The following DHX8 variants were observed in gnomAD, a reference collection of about 807,000 sequenced individuals.
DHX8 encodes ATP-dependent RNA helicase DHX8.
A neutral mutation model predicts 140.7 loss-of-function variants in DHX8; 67 were observed. The observed-to-expected ratio is 0.48, with a 90% CI of 0.39 to 0.58. DHX8 has a LOEUF of 0.58. Ranked by LOEUF, DHX8 falls within the 20% of genes least tolerant of loss-of-function variation. The probability of loss-of-function intolerance (pLI) is 0.00; values close to 1 mark genes in which losing one functional copy is unlikely to be tolerated. For synonymous variants in DHX8, 533 were observed against 553.2 expected, an observed-to-expected ratio of 0.96 and a Z score of 0.51; for missense variants, 887 against 1,550.7, an observed-to-expected ratio of 0.57 and a Z score of 7.19.
At chr17:43,542,683 C>T (rs1313120415) in intron 3 of DHX8, among the ~76,000 whole-genome samples, 2 of 152,154 alleles carry the variant, frequency 1.3e-5, no homozygotes, top group South Asian at 2.1e-4. Flanking sequence ...CACCCTTCAA[C>T]GCCCGGACGC....
intron 1 of DHX8, among the ~76,000 whole-genome samples, chr17:43,484,401 C>T (rs941535256): frequency 1.3e-5 from 2 of 152,148 alleles, no homozygotes; most frequent in African/African-American, 4.8e-5. Flanking sequence ...GTCAGTGAAG[C>T]CCGGGGCGGT....
In DHX8 at chr17:43,525,593, C is replaced by A. The variant is rs1970586125; in HGVS notation, c.*1746C>A. 1.0e-6 allele frequency: 1 copy of A among 985,370 alleles called. No homozygotes were observed. Among genetic ancestry groups the A allele is most frequent in the Admixed American group, 6.1e-5 (1 of 16,262 alleles). The allele number at this position is 985,370 out of a possible 1,614,324, so 61.0% of individuals were successfully genotyped here. A position where few individuals can be genotyped will look rare whatever the true frequency, so the allele number is the denominator to read the frequency against. Reference sequence around the variant, plus strand: ...ACAGTACAGGGACCTCAAATGAAACCAAAGGGGAAACGGGGACTGGGCACC... The same window carrying A: ...ACAGTACAGGGACCTCAAATGAAACAAAAGGGGAAACGGGGACTGGGCACC... On this transcript the variant is annotated 3_prime_UTR_variant, in exon 23 of 23. Transcript: ENST00000262415.
chr17:43,496,673 G>A (rs1377580830), intron 9 of DHX8, among the ~76,000 whole-genome samples: 4 of 151,964 alleles, frequency 2.6e-5, no homozygotes, highest in Non-Finnish European at 4.4e-5. Context: ...CCAGCTACTC[G>A]GGAGTCTGAG....
intron 12 of DHX8, among the ~76,000 whole-genome samples, chr17:43,505,341 G>A (rs779722361): frequency 1.2e-4 from 18 of 152,050 alleles, no homozygotes; most frequent in Non-Finnish European, 1.8e-4. Flanking sequence ...TCAGGGAGTC[G>A]GAGGTTGCAG....
intron 1 of DHX8, among the ~76,000 whole-genome samples, chr17:43,486,788 G>A (rs1968180867): frequency 6.7e-6 from 1 of 149,728 alleles, no homozygotes; most frequent in Non-Finnish European, 1.5e-5. Flanking sequence ...TGAGGCAGGA[G>A]AATCACTTGA....
chr17:43,521,296 C>A, intron 20 of DHX8, 73 bp from the exon 21 acceptor site: 1 of 1,281,602 alleles, frequency 7.8e-7, no homozygotes, highest in Non-Finnish European at 1.1e-6. Flanking sequence ...TCTTGTAGGG[C>A]TCCCTAGAAT....
At chr17:43,531,435 T>A (rs1177100610), downstream of DHX8, among the ~76,000 whole-genome samples, 1 of 152,192 alleles carries the variant, frequency 6.6e-6, no homozygotes, top group African/African-American at 2.4e-5. Context: ...TCCTCTGCCC[T>A]TGCCTCTGGC....
chr17:43,520,191 T>A lies in DHX8; in HGVS notation c.2861T>A (p.Leu954Ter). 1.9e-6 allele frequency: 3 copies of A among 1,614,160 alleles called. No individual in the cohort carries two copies. The highest frequency in any genetic ancestry group is 2.5e-6 in the Non-Finnish European group (3 of 1,180,016). ...ATGGATGCCCCACCTATGGAAACTT[T>A]GATCACAGCCATGGAGCAGCTGTAC... ...DFMDAPPMETLITAMEQLYTL... is the reference protein window; with the variant it reads ...DFMDAPPMET Residue 954 changes from leucine to a stop codon, truncating the protein, a stop_gained, in exon 19 of 23, where the codon TTG becomes TAG. Coordinates refer to ENST00000262415, the MANE Select transcript of DHX8 (RefSeq NM_004941.3). LOFTEE classifies it high-confidence loss of function.
At position 43,543,080 on chromosome 17, in the gene DHX8, G is replaced by A. The variant is rs578185063; in HGVS notation, c.*21-1082G>A. 1.5e-4 allele frequency among the ~76,000 whole-genome samples: 23 copies of A among 152,028 alleles called. No homozygotes were observed. The East Asian group carries it at 4.1e-3, about 27-fold the overall frequency. On this transcript the variant is annotated intron_variant, in intron 3 of 3. Coordinates refer to the DHX8 transcript ENST00000589898. The stretch of plus-strand genomic sequence containing the variant: ...GCAGAGAAAGTGAGAAGGAGCGATC[G>A]GCCTCAGCATCCCCCCCTCAGACCT...
chr17:43,524,680 A>G lies in DHX8; in HGVS notation c.*833A>G, dbSNP rs1215102539. 3.8e-5 allele frequency: 37 copies of G among 985,268 alleles called. No homozygotes were observed. Among genetic ancestry groups the G allele is most frequent in the Non-Finnish European group, 4.3e-5 (36 of 829,930 alleles). The allele number at this position is 985,268 out of a possible 1,614,324, so 61.0% of individuals were successfully genotyped here. On this transcript the variant is annotated 3_prime_UTR_variant, in exon 23 of 23. Transcript: ENST00000262415. Reference sequence around the variant, plus strand: ...ACATTCGCAATGTGCAGCATGTCCCATTTCCTTTTGAAACATACTAAGTAA... The same window carrying G: ...ACATTCGCAATGTGCAGCATGTCCCGTTTCCTTTTGAAACATACTAAGTAA...
At position 43,507,669 on chromosome 17, in the gene DHX8, T is replaced by C. The variant is rs775522818; in HGVS notation, c.2090T>C (p.Leu697Pro). ...AHERTIHTDV[L>P]FGLLKKTVQK... ...GAGAGGACAATTCACACTGATGTGC[T>C]CTTTGGATTGTTGAAAAAGGTAACT... Residue 697 changes from leucine (L) to proline (P), a missense_variant, in exon 14 of 23, where the codon CTC becomes CCC. By Grantham distance (98) the Leu-to-Pro change is moderately conservative. Coordinates refer to ENST00000262415, the MANE Select transcript of DHX8 (RefSeq NM_004941.3). 3 of 1,614,158 alleles carry C rather than the reference T, an allele frequency of 1.9e-6. No individual in the cohort carries two copies. The highest frequency in any genetic ancestry group is 2.5e-6 in the Non-Finnish European group (3 of 1,179,990).
chr17:43,529,449 C>G, downstream of DHX8: 9 of 1,558,640 alleles, frequency 5.8e-6, no homozygotes, highest in Non-Finnish European at 7.8e-6. Flanking sequence ...CAGGTTCTCC[C>G]ACCTCCAGGC....
In DHX8 at chr17:43,504,679, A is replaced by G; in HGVS notation, c.1582A>G (p.Ile528Val). ...GRQIAANMRGIGMMPNDIPEW... is the reference protein window; with the variant it reads ...GRQIAANMRGVGMMPNDIPEW... The stretch of plus-strand genomic sequence containing the variant: ...ACAGATTGCTGCCAACATGAGGGGT[A>G]TTGGGATGATGCCCAATGATATTCC... The change falls in exon 12 of 23, where the codon ATT (isoleucine) becomes GTT (valine). Residue 528 changes from isoleucine (I) to valine (V), a missense_variant. Around this residue, in one of 9 missense-constraint regions of DHX8, gnomAD observed 178 missense variants for 398.5 expected, o/e 0.45. Coordinates refer to ENST00000262415, the MANE Select transcript of DHX8 (RefSeq NM_004941.3). The G allele has an allele frequency of 6.2e-7, 1 of 1,613,992 alleles. No homozygotes were observed. Among genetic ancestry groups the G allele is most frequent in the Admixed American group, 1.7e-5 (1 of 59,978 alleles).
rs1195275038 is a variant in DHX8 at position 43,513,409 on chromosome 17, T to C, written c.2550T>C (p.Gly850=). The stretch of plus-strand genomic sequence containing the variant: ...CAGAGACATCGCTGACTATTGATGG[T>C]ATCTACTATGTGGTGGACCCAGGAT... ...NIAETSLTID[G]IYYVVDPGFV... Residue 850 remains glycine, a synonymous_variant, in exon 17 of 23, where the codon GGT becomes GGC. Coordinates refer to ENST00000262415, the MANE Select transcript of DHX8 (RefSeq NM_004941.3). 5 of 1,613,878 alleles carry C rather than the reference T, an allele frequency of 3.1e-6. No homozygotes were observed. Among genetic ancestry groups the C allele is most frequent in the African/African-American group, 1.3e-5 (1 of 74,908 alleles).
At position 43,525,307 on chromosome 17, in the gene DHX8, A is replaced by G; in HGVS notation, c.*1460A>G. Reference sequence around the variant, plus strand: ...ACTACTGTAGAACTGTATGCCAGACACTAAGAGAGACTATGTAACATTCCA... The same window carrying G: ...ACTACTGTAGAACTGTATGCCAGACGCTAAGAGAGACTATGTAACATTCCA... On this transcript the variant is annotated 3_prime_UTR_variant, in exon 23 of 23. Coordinates refer to ENST00000262415, the MANE Select transcript of DHX8 (RefSeq NM_004941.3). 1.0e-6 allele frequency: 1 copy of G among 985,418 alleles called. No homozygotes were observed. Among genetic ancestry groups the G allele is most frequent in the Non-Finnish European group, 1.2e-6 (1 of 829,890 alleles). 61.0% of individuals were successfully genotyped at this position (985,418 alleles called of 1,614,324 possible).
At chr17:43,527,664 G>A (rs976006764), downstream of DHX8, among the ~76,000 whole-genome samples, 5 of 152,208 alleles carry the variant, frequency 3.3e-5, no homozygotes, top group Non-Finnish European at 5.9e-5. Context: ...GGGAAGGGCA[G>A]GTATCATTAA....
intron 10 of DHX8, 122 bp from the exon 11 acceptor site, chr17:43,499,834 C>CTGTT (rs1969081986): frequency 9.5e-7 from 1 of 1,057,390 alleles, no homozygotes; most frequent in Non-Finnish European, 1.4e-6. Context: ...TTCATATAGT[C>CTGTT]TGTTACATTG....
At chr17:43,520,964 CTTT>C (rs10672223) in intron 20 of DHX8, 85 bp downstream of exon 20, 7,326 of 393,718 alleles carry the variant, frequency 0.019, no homozygotes, top group Middle Eastern at 0.026. Context: ...TTGATGTGGA[CTTT>C]TTTTTTTTTT....
At chr17:43,534,335 C>CA (rs1207008778) in intron 2 of DHX8, among the ~76,000 whole-genome samples, 4 of 149,814 alleles carry the variant, frequency 2.7e-5, no homozygotes, top group Admixed American at 6.6e-5. Flanking sequence ...ACTAAAAATA[C>CA]AAAAAAAAAT....
Sources: allele counts gnomAD v4.1 joint callset (sites outside exome capture counted in the v4.1 genomes callset), GRCh38; gene constraint gnomAD v4.1.1; regional missense constraint gnomAD v4.1.1; transcripts MANE v1.5; gene names NCBI Gene and HGNC (gene_info 2026-07-23, HGNC 2026-07-21).